Variants in HNRNPC observed in about 807,000 individuals in gnomAD.
HNRNPC encodes heterogeneous nuclear ribonucleoprotein C.
A neutral mutation model predicts 33.2 loss-of-function variants in HNRNPC; 3 were observed. The ratio of observed to expected loss-of-function variants is 0.09; its 90% CI spans 0.04 to 0.23. The LOEUF (loss-of-function observed/expected upper bound fraction) is 0.23, where lower values mean the gene tolerates loss of function less well. Ranked by LOEUF, HNRNPC falls within the 10% of genes least tolerant of loss-of-function variation. The pLI is 1.00. For synonymous variants in HNRNPC, 121 were observed against 126.7 expected (o/e 0.96, Z 0.30); for missense variants, 143 against 366.7 (o/e 0.39, Z 4.98).
chr14:21,229,085 TAA>T (rs56112804), intron 5 of HNRNPC, among the ~76,000 whole-genome samples: 279 of 107,766 alleles, frequency 2.6e-3, no homozygotes, highest in African/African-American at 4.7e-3. Context: ...ATTCCGTATT[TAA>T]AAAAAAAAAA....
In HNRNPC at chr14:21,211,538, C is replaced by G. The variant is rs1197476546; in HGVS notation, c.666G>C (p.Glu222Asp). The change falls in exon 8 of 9, where the codon GAG becomes GAC. Residue 222 changes from glutamate (E) to aspartate (D), a missense_variant. Glu to Asp is a conservative substitution (Grantham distance 45). This residue lies in a region of HNRNPC where 131 missense variants were observed against 253.0 expected (regional missense o/e 0.52). Coordinates refer to ENST00000553300, the MANE Select transcript of HNRNPC (RefSeq NM_004500.4). ...TCTTCACGGAGCTGCTGCTCTGCTC[C>G]TCTTCTGACTTATCATTCTTCATCT... ...AVEMKNDKSEEEQSSSSVKKD... is the reference protein window; with the variant it reads ...AVEMKNDKSEDEQSSSSVKKD... 1 of 1,611,450 alleles carries G rather than the reference C, an allele frequency of 6.2e-7. No homozygotes were observed. Among genetic ancestry groups the G allele is most frequent in the Admixed American group, 1.7e-5 (1 of 59,792 alleles).
chr14:21,211,901 G>A lies in HNRNPC; in HGVS notation c.546C>T (p.Ala182=), dbSNP rs1349123793. Residue 182 remains alanine (A), a synonymous_variant, in exon 7 of 9, where the codon GCC becomes GCT. Transcript: ENST00000553300. ...TTATCTGGGTCAGCTCCTTCTTAAT[G>A]GCCTGAAGGTCATCTCCTTTCACTT... is the stretch of plus-strand genomic sequence containing the variant. The part of the protein sequence containing the change: ...SGKLKGDDLQ[A]IKKELTQIKQ... 2.5e-6 allele frequency: 4 copies of A among 1,613,128 alleles called. No individual in the cohort carries two copies.
At chr14:21,213,409 T>C in intron 5 of HNRNPC, 1 of 360,364 alleles carries the variant, frequency 2.8e-6, no homozygotes, top group Non-Finnish European at 5.1e-6. Context: ...TATAAATGAT[T>C]CCTCTGTACT....
chr14:21,211,061 G>A lies in HNRNPC; in HGVS notation c.*162C>T, dbSNP rs867503129. ...AAAGGAAGTGAAAATGGGACTAGGC[G>A]CGGGGCAATATGAATTAATGAACAT... On this transcript the variant is annotated 3_prime_UTR_variant, in exon 9 of 9. Transcript: ENST00000553300. 19 of 754,332 alleles carry A rather than the reference G, an allele frequency of 2.5e-5. No homozygotes were observed. The highest frequency in any genetic ancestry group is 7.8e-4 in the Middle Eastern group (2 of 2,550). The allele number at this position is 754,332 out of a possible 1,614,324, so 46.7% of individuals were successfully genotyped here.
chr14:21,247,837 A>T (rs1896162401), intron 2 of HNRNPC, among the ~76,000 whole-genome samples: 1 of 151,182 alleles, frequency 6.6e-6, no homozygotes, highest in Non-Finnish European at 1.5e-5. Context: ...AAAAAAAAAA[A>T]TTAGCCAAGC....
At chr14:21,268,402 T>C (rs1383411841) in intron 1 of HNRNPC, among the ~76,000 whole-genome samples, 1 of 152,198 alleles carries the variant, frequency 6.6e-6, no homozygotes, top group African/African-American at 2.4e-5. Context: ...AATTTGGGAA[T>C]TTCCAGTTAC....
At chr14:21,231,177 C>A in intron 3 of HNRNPC, 105 bp from the exon 4 acceptor site, 1 of 1,120,426 alleles carries the variant, frequency 8.9e-7, no homozygotes, top group South Asian at 1.4e-5. Context: ...CTTTCTCGCT[C>A]AGGCTGGAGT....
chr14:21,256,419 A>C (rs1429185893), intron 2 of HNRNPC, among the ~76,000 whole-genome samples: 1 of 152,098 alleles, frequency 6.6e-6, no homozygotes, highest in Non-Finnish European at 1.5e-5. Context: ...ACTGCACTAC[A>C]GCCTGGGCAA....
At chr14:21,243,700 CTA>C (rs1895629071) in intron 2 of HNRNPC, among the ~76,000 whole-genome samples, 2 of 152,122 alleles carry the variant, frequency 1.3e-5, no homozygotes. Context: ...CGGTAGGTCC[CTA>C]TATCTGTATT....
At chr14:21,220,995 G>A (rs1025272043) in intron 5 of HNRNPC, among the ~76,000 whole-genome samples, 2 of 152,298 alleles carry the variant, frequency 1.3e-5, no homozygotes, top group Admixed American at 1.3e-4. Flanking sequence ...GCTAAGGCAG[G>A]AGGATCCCTT....
chr14:21,259,739 T>C (rs1459966569), intron 2 of HNRNPC, among the ~76,000 whole-genome samples: 2 of 152,154 alleles, frequency 1.3e-5, no homozygotes, highest in Non-Finnish European at 2.9e-5. Context: ...TGGATTTTAA[T>C]ATCTCCTTTA....
intron 2 of HNRNPC, among the ~76,000 whole-genome samples, chr14:21,235,907 A>G (rs893804520): frequency 2.6e-5 from 4 of 152,200 alleles, no homozygotes; most frequent in African/African-American, 9.6e-5. Flanking sequence ...AATACTGACC[A>G]TAAGGGAAAA....
intron 5 of HNRNPC, among the ~76,000 whole-genome samples, chr14:21,220,874 A>T (rs1046410002): frequency 6.6e-6 from 1 of 151,964 alleles, no homozygotes; most frequent in African/African-American, 2.4e-5. Context: ...AGTGGCTAAT[A>T]CCAGCAGTTT....
At chr14:21,221,137 G>A (rs933349556) in intron 5 of HNRNPC, among the ~76,000 whole-genome samples, 20 of 152,134 alleles carry the variant, frequency 1.3e-4, no homozygotes, top group African/African-American at 4.3e-4. Flanking sequence ...TGTGATGAAC[G>A]TGAATTTGGA....
chr14:21,216,753 A>G (rs1323588756), intron 5 of HNRNPC, among the ~76,000 whole-genome samples: 1 of 152,208 alleles, frequency 6.6e-6, no homozygotes, highest in East Asian at 1.9e-4. Flanking sequence ...TTTCCATTCT[A>G]TCTCCAGTAA....
intron 5 of HNRNPC, among the ~76,000 whole-genome samples, chr14:21,223,164 C>T (rs1433871148): frequency 2.6e-5 from 4 of 152,064 alleles, no homozygotes; most frequent in Non-Finnish European, 5.9e-5. Context: ...CAAGATCTCG[C>T]CATTGCAATC....
In HNRNPC at chr14:21,221,657, CTCAGAGTCTTG is replaced by C. The variant is rs1294631423; in HGVS notation, c.366-8551_366-8541del. On this transcript the variant is annotated intron_variant, in intron 5 of 8. Coordinates refer to ENST00000553300, the MANE Select transcript of HNRNPC (RefSeq NM_004500.4). ...TTTTCTAACAGTATCAGATGTTGTA[CTCAGAGTCTTG>C]TTTCCAGAATATATAACGAATCCTA... is the stretch of plus-strand genomic sequence containing the variant. Among the ~76,000 whole-genome samples the C allele has an allele frequency of 2.0e-5, 3 of 152,172 alleles. No homozygotes were observed. The East Asian group carries it at 5.8e-4, about 29-fold the overall frequency.
At chr14:21,255,688 T>C (rs532610667) in intron 2 of HNRNPC, among the ~76,000 whole-genome samples, 5 of 152,340 alleles carry the variant, frequency 3.3e-5, no homozygotes, top group East Asian at 1.9e-4. Context: ...CTTAAGCACA[T>C]AGTACACAAG....
In HNRNPC at chr14:21,255,661, T is replaced by C. The variant is rs574928795; in HGVS notation, c.-37+7650A>G. ...TAATTAGAAGGAAAATACTACCACA[T>C]TGATCATTATAATAGTCTTAAGCAC... On this transcript the variant is annotated intron_variant, in intron 2 of 8. Transcript: ENST00000553300. Among the ~76,000 whole-genome samples the C allele has an allele frequency of 8.5e-5, 13 of 152,258 alleles. No individual in the cohort carries two copies. In the South Asian group the frequency reaches 2.5e-3, roughly 29 times the overall value.
Sources: allele counts gnomAD v4.1 joint callset (sites outside exome capture counted in the v4.1 genomes callset), GRCh38; gene constraint gnomAD v4.1.1; regional missense constraint gnomAD v4.1.1; transcripts MANE v1.5; gene names NCBI Gene and HGNC (gene_info 2026-07-23, HGNC 2026-07-21).